The following CHRDL2 variants were observed in gnomAD, a reference collection of about 807,000 sequenced individuals.
The protein encoded by CHRDL2 is chordin like 2, also known as chordin-like protein 2.
Under a neutral mutation model 54.3 loss-of-function variants are expected in CHRDL2, and 41 were observed. The observed-to-expected ratio is 0.76, with a 90% CI of 0.59 to 0.98. The LOEUF is 0.98. Ranked by LOEUF, CHRDL2 falls within the 50% of genes least tolerant of loss-of-function variation. The probability of loss-of-function intolerance (pLI) is 0.00; values close to 1 mark genes in which losing one functional copy is unlikely to be tolerated. For missense variants in CHRDL2, 518 were observed against 562.4 expected (o/e 0.92, Z 0.80); for synonymous variants, 220 against 224.3 (o/e 0.98, Z 0.17).
intron 9 of CHRDL2, chr11:74,698,231 T>C (rs1382147624): frequency 2.8e-4 from 1 of 3,520 alleles, no homozygotes; most frequent in South Asian, 4.8e-3. Context: ...ACCTGGCTAA[T>C]TTTTTTTTTT....
In CHRDL2 at chr11:74,730,830, G is replaced by T; in HGVS notation, c.59C>A (p.Pro20His). The T allele has an allele frequency of 2.5e-6, 4 of 1,612,688 alleles. No individual in the cohort carries two copies. The highest frequency in any genetic ancestry group is 3.4e-6 in the Non-Finnish European group (4 of 1,179,610). The change falls in exon 1 of 11, where the codon CCC (proline) becomes CAC (histidine). Residue 20 changes from proline (P) to histidine (H), a missense_variant. Physicochemically the swap from Pro to His is moderately conservative, Grantham distance 77 (BLOSUM62 -2). Transcript: ENST00000376332. ...SLLGLALLWF[P>H]LDSHARARPD... is the part of the protein sequence containing the mutation. ...ACGGGCTCGAGCGTGGGAGTCCAGG[G>T]GGAACCAGAGCAGCGCGAGTCCCAG...
In CHRDL2 at chr11:74,703,403, T is replaced by C. The variant is rs374603983; in HGVS notation, c.848A>G (p.Glu283Gly). 7.4e-6 allele frequency: 12 copies of C among 1,613,530 alleles called. No homozygotes were observed. The African/African-American group carries it at 1.3e-4, about 18-fold the overall frequency. ...GPLPCILCTCEDGRQDCQRVT... is the reference protein window; with the variant it reads ...GPLPCILCTCGDGRQDCQRVT... ...ACGCTGGCAGTCCTGGCGGCCATCC[T>C]CACAGGTGCATAGGATGCAGGGCAA... The change falls in exon 8 of 11, where the codon GAG (glutamate) becomes GGG (glycine). Residue 283 changes from glutamate (E) to glycine (G), a missense_variant. Transcript: ENST00000376332.
At chr11:74,706,784 G>A (rs1005853283) in intron 5 of CHRDL2, among the ~76,000 whole-genome samples, 11 of 152,202 alleles carry the variant, frequency 7.2e-5, no homozygotes, top group Admixed American at 3.3e-4. Flanking sequence ...CAGTTTCCCT[G>A]TACTGACCTC....
intron 2 of CHRDL2, among the ~76,000 whole-genome samples, chr11:74,716,159 A>C (rs1333386378): frequency 6.6e-6 from 1 of 152,176 alleles, no homozygotes; most frequent in African/African-American, 2.4e-5. Flanking sequence ...CAAGTGGAGG[A>C]AACAAGTTGG....
chr11:74,717,396 A>G (rs2034390449), intron 2 of CHRDL2, among the ~76,000 whole-genome samples: 1 of 152,206 alleles, frequency 6.6e-6, no homozygotes, highest in Non-Finnish European at 1.5e-5. Flanking sequence ...ACTGGACCAC[A>G]TGATATGTCT....
intron 1 of CHRDL2, among the ~76,000 whole-genome samples, chr11:74,726,926 G>A (rs1394557189): frequency 1.3e-5 from 2 of 152,130 alleles, no homozygotes; most frequent in Non-Finnish European, 2.9e-5. Flanking sequence ...CCCTCTGGCC[G>A]GTCTCCCACT....
chr11:74,707,487 C>T (rs1171807370), intron 5 of CHRDL2, among the ~76,000 whole-genome samples: 4 of 152,172 alleles, frequency 2.6e-5, no homozygotes, highest in Non-Finnish European at 4.4e-5. Flanking sequence ...GTGTTGCCTC[C>T]CTGCTTTATA....
Position 74,706,525 on chromosome 11 carries a change from A to G in CHRDL2, c.544T>C (p.Ser182Pro). Residue 182 changes from serine (S) to proline (P), a missense_variant, in exon 6 of 11, where the codon TCG (serine) becomes CCG (proline). By Grantham distance (74) the Ser-to-Pro change is moderately conservative. Coordinates refer to ENST00000376332, the MANE Select transcript of CHRDL2 (RefSeq NM_001278473.3). ...QACKDEASEQSDEEDSVQSLH... is the reference protein window; with the variant it reads ...QACKDEASEQPDEEDSVQSLH... ...GACTGCACACTGTCCTCTTCATCCG[A>G]TTGCTCACTTGCCTCATCTGAAAAC... 1 of 1,613,926 alleles carries G rather than the reference A, an allele frequency of 6.2e-7. No individual in the cohort carries two copies. The highest frequency in any genetic ancestry group is 1.1e-5 in the South Asian group (1 of 91,074).
intron 7 of CHRDL2, 26 bp downstream of exon 7, chr11:74,704,460 A>C (rs1432083761): frequency 6.3e-7 from 1 of 1,581,488 alleles, no homozygotes; most frequent in East Asian, 2.3e-5. Context: ...CCTGCCTCAC[A>C]GATTGGAGGA....
At chr11:74,700,645 T>TATTATTA (rs59429316) in intron 9 of CHRDL2, among the ~76,000 whole-genome samples, 2 of 138,176 alleles carry the variant, frequency 1.4e-5, no homozygotes, top group Non-Finnish European at 1.6e-5. Context: ...TTATTATTAT[T>TATTATTA]TTTTTTTTTT....
chr11:74,700,361 TTTAC>T (rs2033759382), intron 9 of CHRDL2, among the ~76,000 whole-genome samples: 1 of 152,184 alleles, frequency 6.6e-6, no homozygotes, highest in Non-Finnish European at 1.5e-5. Context: ...TCTTTATTTA[TTTAC>T]TTACTTATTT....
At chr11:74,715,704 C>T (rs953417784) in intron 2 of CHRDL2, among the ~76,000 whole-genome samples, 10 of 151,758 alleles carry the variant, frequency 6.6e-5, no homozygotes, top group Non-Finnish European at 1.0e-4. Flanking sequence ...GAGGGCCTGG[C>T]GTGGTGGCTC....
At chr11:74,701,496 C>T (rs757507242) in intron 9 of CHRDL2, 122 of 652,818 alleles carry the variant, frequency 1.9e-4, no homozygotes, top group Non-Finnish European at 3.0e-4. Context: ...CCACTTTCTT[C>T]GTCCATTCCT....
rs192357991 is a variant in CHRDL2, at chr11:74,709,174, G to A, written c.433-779C>T. Among the ~76,000 whole-genome samples the A allele has an allele frequency of 1.4e-4, 22 of 152,346 alleles. No homozygotes were observed. In the East Asian group the frequency reaches 2.9e-3, roughly 20 times the overall value. ...TATAATCAGGGATGAGAAGGAAGAA[G>A]GGGAGGCCCAAGTACCCAGGGAGAA... On this transcript the variant is annotated intron_variant, in intron 4 of 10. Coordinates refer to ENST00000376332, the MANE Select transcript of CHRDL2 (RefSeq NM_001278473.3).
chr11:74,697,506 G>A (rs1019761929), intron 9 of CHRDL2: 2 of 582,420 alleles, frequency 3.4e-6, no homozygotes, highest in South Asian at 1.9e-5. Flanking sequence ...GGCCCCTGTT[G>A]TCTTGTCTGG....
At chr11:74,702,045 G>A (rs1455093386) in intron 9 of CHRDL2, among the ~76,000 whole-genome samples, 2 of 152,080 alleles carry the variant, frequency 1.3e-5, no homozygotes, top group Admixed American at 1.3e-4. Flanking sequence ...CTTGAGTCCA[G>A]GAGTTCCAGA....
intron 4 of CHRDL2, among the ~76,000 whole-genome samples, chr11:74,710,544 T>C (rs1274358505): frequency 6.6e-6 from 1 of 152,240 alleles, no homozygotes; most frequent in Non-Finnish European, 1.5e-5. Context: ...AGATGTCTTT[T>C]GTGCTTTAGG....
chr11:74,704,592 G>A lies in CHRDL2; in HGVS notation c.645C>T (p.Ala215=). Reference sequence around the variant, plus strand: ...TCAGAGGGGCGCTGAGGCCAGTGGGGGCTGGGGTGCCCGGGCCTCTCTTTC... The same window carrying A: ...TCAGAGGGGCGCTGAGGCCAGTGGGAGCTGGGGTGCCCGGGCCTCTCTTTC... The part of the protein sequence containing the change: ...AGRKRGPGTP[A]PTGLSAPLSF... The change falls in exon 7 of 11, where the codon GCC becomes GCT. Residue 215 remains alanine, a synonymous_variant. Coordinates refer to ENST00000376332, the MANE Select transcript of CHRDL2 (RefSeq NM_001278473.3). The A allele has an allele frequency of 6.2e-7, 1 of 1,600,044 alleles. No homozygotes were observed. Among genetic ancestry groups the A allele is most frequent in the Non-Finnish European group, 8.5e-7 (1 of 1,173,682 alleles).
At chr11:74,696,682 G>A in intron 10 of CHRDL2, 97 bp from the exon 11 acceptor site, 1 of 878,872 alleles carries the variant, frequency 1.1e-6, no homozygotes, top group Middle Eastern at 3.3e-4. Flanking sequence ...GGGCCAGGAG[G>A]AACTGCAAGG....
Sources: allele counts gnomAD v4.1 joint callset (sites outside exome capture counted in the v4.1 genomes callset), GRCh38; gene constraint gnomAD v4.1.1; transcripts MANE v1.5; gene names NCBI Gene and HGNC (gene_info 2026-07-23, HGNC 2026-07-21).